SUCO: variants seen among roughly 807,000 people sequenced by gnomAD.
SUCO encodes SUN domain containing ossification factor, also known as SUN domain-containing ossification factor.
SUCO carries 57 observed loss-of-function variants against 148.1 expected under a neutral mutation model. The ratio of observed to expected loss-of-function variants is 0.38; its 90% CI spans 0.31 to 0.48. The LOEUF (loss-of-function observed/expected upper bound fraction) is 0.48. SUCO is among the 20% of genes least tolerant of loss of function. The probability of loss-of-function intolerance (pLI) is 0.96; values close to 1 mark genes in which losing one functional copy is unlikely to be tolerated. For synonymous variants in SUCO, 470 were observed against 502.7 expected (o/e 0.93, Z 0.87); for missense variants, 1,331 against 1,468.2 (o/e 0.91, Z 1.53).
At chr1:172,572,317 A>G (rs1049191945) in intron 9 of SUCO, among the ~76,000 whole-genome samples, 12 of 151,828 alleles carry the variant, frequency 7.9e-5, no homozygotes, top group Non-Finnish European at 2.9e-5. Flanking sequence ...GTGTGGAAAG[A>G]GGTAGACACG....
At chr1:172,564,525 C>T (rs1230188157) in intron 6 of SUCO, among the ~76,000 whole-genome samples, 1 of 152,124 alleles carries the variant, frequency 6.6e-6, no homozygotes, top group Admixed American at 6.5e-5. Context: ...CCCCTTCAGT[C>T]TTCCACCATG....
chr1:172,608,660 A>T (rs1175575939), intron 22 of SUCO, 87 bp from the exon 23 acceptor site: 2 of 871,440 alleles, frequency 2.3e-6, no homozygotes, highest in Non-Finnish European at 3.8e-6. Context: ...GGAATGAATG[A>T]TTTGTCTTAT....
At chr1:172,557,548 G>T (rs1442705340) in intron 5 of SUCO, 96 bp from the exon 6 acceptor site, 4 of 1,474,120 alleles carry the variant, frequency 2.7e-6, no homozygotes, top group East Asian at 2.3e-5. Context: ...TTTCTTCCTT[G>T]GTTTACTTTG....
At chr1:172,606,106 A>G (rs1558217147) in intron 22 of SUCO, among the ~76,000 whole-genome samples, 1 of 151,540 alleles carries the variant, frequency 6.6e-6, no homozygotes, top group Non-Finnish European at 1.5e-5. Flanking sequence ...CCAGTTGCTC[A>G]TGATATACGT....
Position 172,604,978 on chromosome 1 carries a change from A to G in SUCO, c.3265+2191A>G, listed in dbSNP as rs145254338. On this transcript the variant is annotated intron_variant, in intron 22 of 23. Coordinates refer to ENST00000263688, the MANE Select transcript of SUCO (RefSeq NM_014283.5). Reference sequence around the variant, plus strand: ...GGCTGTTGTTTGAGTAGTGCTGTTCAGGGGTATACAGATATCTCTTTGCTC... The same window carrying G: ...GGCTGTTGTTTGAGTAGTGCTGTTCGGGGGTATACAGATATCTCTTTGCTC... Among the ~76,000 whole-genome samples the G allele has an allele frequency of 4.2e-3, 636 of 151,926 alleles. 4 individuals are homozygous for G. The highest frequency in any genetic ancestry group is 0.018 in the South Asian group (86 of 4,822).
Position 172,602,082 on chromosome 1 carries a change from T to C in SUCO, c.3037T>C (p.Tyr1013His). ...ATCTCAGGTTTCAGATCGACAAAGC[T>C]ATCTTGTCATATCTTTGGTTCTTTG... Reference protein sequence around the residue: ...LKREVSDRQSYLVISLVLCVV... With the variant: ...LKREVSDRQSHLVISLVLCVV... The change falls in exon 21 of 24, where the codon TAT becomes CAT. Residue 1013 changes from tyrosine (Y) to histidine (H), a missense_variant. Coordinates refer to ENST00000263688, the MANE Select transcript of SUCO (RefSeq NM_014283.5). The C allele has an allele frequency of 6.2e-7, 1 of 1,610,512 alleles. No homozygotes were observed. Among genetic ancestry groups the C allele is most frequent in the Middle Eastern group, 1.7e-4 (1 of 6,038 alleles).
intron 14 of SUCO, 65 bp downstream of exon 14, chr1:172,578,454 ATG>A: frequency 6.7e-7 from 1 of 1,503,592 alleles, no homozygotes; most frequent in Non-Finnish European, 9.1e-7. Context: ...TCGAATAGTA[ATG>A]GGGGAGTATA....
rs1271283255 is a variant in SUCO, at chr1:172,588,311, A to G, written c.1659-449A>G. On this transcript the variant is annotated intron_variant, in intron 17 of 23. Coordinates refer to ENST00000263688, the MANE Select transcript of SUCO (RefSeq NM_014283.5). The stretch of plus-strand genomic sequence containing the variant: ...TGCACTCATAAATATTAAGAATCCT[A>G]GATTCTAGTTTTAGCTCTGGACCTT... 5.1e-6 allele frequency: 5 copies of G among 985,146 alleles called. No homozygotes were observed. In the African/African-American group the frequency reaches 8.7e-5, roughly 17 times the overall value. 61.0% of individuals were successfully genotyped at this position (985,146 alleles called of 1,614,324 possible).
intron 6 of SUCO, among the ~76,000 whole-genome samples, chr1:172,563,878 G>A (rs774288862): frequency 2.0e-5 from 3 of 152,212 alleles, no homozygotes; most frequent in Non-Finnish European, 2.9e-5. Context: ...GGTTGCGTGG[G>A]CCAGTCCCCG....
At chr1:172,599,933 C>G in intron 19 of SUCO, 131 bp from the exon 20 acceptor site, 1 of 618,986 alleles carries the variant, frequency 1.6e-6, no homozygotes, top group Non-Finnish European at 2.7e-6. Context: ...AGTTTACTTA[C>G]TCATTGAGAT....
chr1:172,584,385 T>A (rs964718899), intron 15 of SUCO: 291 of 943,404 alleles, frequency 3.1e-4, no homozygotes, highest in Non-Finnish European at 3.6e-4. Context: ...TTTTTTTCCC[T>A]GTCCCAGTAC....
At chr1:172,549,136 T>C (rs1653087880) in intron 1 of SUCO, among the ~76,000 whole-genome samples, 1 of 151,936 alleles carries the variant, frequency 6.6e-6, no homozygotes, top group Admixed American at 6.6e-5. Flanking sequence ...TTTTCATATT[T>C]TCTTAAAACT....
chr1:172,569,934 T>C (rs745384924), intron 7 of SUCO, 113 bp from the exon 8 acceptor site: 80 of 1,022,304 alleles, frequency 7.8e-5, no homozygotes, highest in Non-Finnish European at 9.6e-5. Flanking sequence ...TGTTAAAACC[T>C]ATTCTTTTCT....
chr1:172,558,432 G>T (rs1229019114), intron 6 of SUCO, among the ~76,000 whole-genome samples: 2 of 152,156 alleles, frequency 1.3e-5, no homozygotes, highest in East Asian at 3.8e-4. Flanking sequence ...TTACAGAGAT[G>T]AAGTATATTC....
chr1:172,585,253 C>T (rs541144589), intron 16 of SUCO, 167 bp downstream of exon 16: 24 of 431,780 alleles, frequency 5.6e-5, no homozygotes, highest in African/African-American at 4.9e-4. Context: ...ATTTGAATTT[C>T]ACAAGTTCTG....
rs200954956 is a variant in SUCO, at chr1:172,566,500, AG to A, written c.733-2517del. On this transcript the variant is annotated intron_variant, in intron 6 of 23. Coordinates refer to ENST00000263688, the MANE Select transcript of SUCO (RefSeq NM_014283.5). ...CCCAGGAAGGTTCTTGGCTTCACCT[AG>A]GAAAGAATTCAAGGGCAAGCTGGTG... 2.3e-3 allele frequency among the ~76,000 whole-genome samples: 343 copies of A among 152,352 alleles called. 1 individual carries two copies. Among genetic ancestry groups the A allele is most frequent in the African/African-American group, 8.1e-3 (336 of 41,574 alleles).
intron 15 of SUCO, among the ~76,000 whole-genome samples, chr1:172,582,385 G>A (rs957621632): frequency 1.3e-5 from 2 of 152,036 alleles, no homozygotes; most frequent in African/African-American, 2.4e-5. Context: ...CTGGAAAAAT[G>A]TTTGTTTTCT....
chr1:172,560,232 C>T (rs1301984149), intron 6 of SUCO, among the ~76,000 whole-genome samples: 1 of 152,154 alleles, frequency 6.6e-6, no homozygotes, highest in Non-Finnish European at 1.5e-5. Flanking sequence ...TTCAAAGGTC[C>T]CAGAAGAGGT....
At chr1:172,549,502 G>A (rs1653116641) in intron 1 of SUCO, among the ~76,000 whole-genome samples, 1 of 151,940 alleles carries the variant, frequency 6.6e-6, no homozygotes, top group Admixed American at 6.5e-5. Context: ...GCATTAGGCA[G>A]ATATAAAAAG....
Sources: allele counts gnomAD v4.1 joint callset (sites outside exome capture counted in the v4.1 genomes callset), GRCh38; gene constraint gnomAD v4.1.1; transcripts MANE v1.5; gene names NCBI Gene and HGNC (gene_info 2026-07-23, HGNC 2026-07-21).